Variants in PUS7 observed in about 807,000 individuals in gnomAD.
PUS7 encodes the protein pseudouridylate synthase 7 homolog.
A neutral mutation model predicts 79.8 loss-of-function variants in PUS7; 48 were observed. That is an observed-to-expected ratio of 0.60 (90% CI 0.48 to 0.76). The LOEUF is 0.76. Among genes scored for constraint, PUS7 ranks in the 30% least tolerant of loss-of-function variants. The pLI is 0.00. For synonymous variants in PUS7, 286 were observed against 272.2 expected, an observed-to-expected ratio of 1.05 and a Z score of -0.50; for missense variants, 729 against 797.6, an observed-to-expected ratio of 0.91 and a Z score of 1.04.
At chr7:105,475,193 C>CT (rs67059780) in intron 9 of PUS7, among the ~76,000 whole-genome samples, 9,842 of 150,058 alleles carry the variant, frequency 0.066, 558 homozygotes, top group South Asian at 0.17. Context: ...ATGTTTTGTA[C>CT]TTTTTTTTTT....
chr7:105,465,768 G>A (rs1454948480), intron 12 of PUS7, among the ~76,000 whole-genome samples: 1 of 152,188 alleles, frequency 6.6e-6, no homozygotes, highest in East Asian at 1.9e-4. Flanking sequence ...GGGAGGCGGA[G>A]GTTGCGGTGA....
chr7:105,516,429 A>C (rs555670692), intron 1 of PUS7, among the ~76,000 whole-genome samples: 1 of 151,880 alleles, frequency 6.6e-6, no homozygotes, highest in East Asian at 1.9e-4. Flanking sequence ...AACTACGTGA[A>C]AGGGAAGCTG....
chr7:105,507,260 G>A (rs942262614), intron 2 of PUS7, among the ~76,000 whole-genome samples: 1 of 152,056 alleles, frequency 6.6e-6, no homozygotes, highest in African/African-American at 2.4e-5. Context: ...TGCCCAGGCT[G>A]GTCTCAAACT....
intron 5 of PUS7, chr7:105,495,468 A>C: frequency 7.6e-5 from 27 of 355,940 alleles, no homozygotes; most frequent in East Asian, 2.2e-4. Context: ...AAAAGCTAAA[A>C]TGTGGCTGGG....
At chr7:105,463,203 T>C (rs1190241231) in intron 13 of PUS7, among the ~76,000 whole-genome samples, 1 of 152,224 alleles carries the variant, frequency 6.6e-6, no homozygotes, top group Non-Finnish European at 1.5e-5. Context: ...GAGTCTTTTT[T>C]ATAGCACTCA....
At chr7:105,469,301 AT>A (rs1002305759) in intron 11 of PUS7, among the ~76,000 whole-genome samples, 1 of 128,628 alleles carries the variant, frequency 7.8e-6, no homozygotes, top group African/African-American at 2.9e-5. Flanking sequence ...TTTCTTTTTT[AT>A]TTTTTTGAGA....
At chr7:105,499,522 T>A (rs1157928882) in intron 5 of PUS7, among the ~76,000 whole-genome samples, 1 of 152,196 alleles carries the variant, frequency 6.6e-6, no homozygotes, top group African/African-American at 2.4e-5. Context: ...AATTAATTTA[T>A]CAGTAATGTT....
intron 5 of PUS7, among the ~76,000 whole-genome samples, chr7:105,501,277 A>G (rs1212995175): frequency 3.3e-5 from 5 of 152,200 alleles, no homozygotes; most frequent in Non-Finnish European, 7.3e-5. Context: ...TTTTGCCCCA[A>G]ATATATCTAG....
intron 14 of PUS7, among the ~76,000 whole-genome samples, chr7:105,460,496 G>A (rs944896019): frequency 4.6e-5 from 7 of 152,102 alleles, no homozygotes; most frequent in African/African-American, 1.7e-4. Context: ...CTGGAAATAG[G>A]CAACTAGTTC....
intron 7 of PUS7, among the ~76,000 whole-genome samples, chr7:105,485,253 A>G (rs572552094): frequency 1.3e-5 from 2 of 152,168 alleles, no homozygotes; most frequent in Non-Finnish European, 2.9e-5. Context: ...CTCTTTGCCC[A>G]GGCTGGAGCG....
At chr7:105,497,041 G>A (rs1825065521) in intron 5 of PUS7, 3 of 1,072,744 alleles carry the variant, frequency 2.8e-6, no homozygotes, top group Admixed American at 3.2e-5. Flanking sequence ...GTGCTTTAGA[G>A]GTGAACATGC....
chr7:105,501,316 G>A (rs542930759), intron 5 of PUS7, among the ~76,000 whole-genome samples: 1 of 152,142 alleles, frequency 6.6e-6, no homozygotes, highest in East Asian at 1.9e-4. Context: ...ACAGGCCACC[G>A]CTAGTAGGAG....
intron 7 of PUS7, among the ~76,000 whole-genome samples, chr7:105,484,855 ATTTTT>A (rs1172322541): frequency 8.6e-6 from 1 of 116,858 alleles, no homozygotes; most frequent in African/African-American, 3.2e-5. Context: ...CCAGTCAGAG[ATTTTT>A]TTTTTTTTTT....
intron 14 of PUS7, among the ~76,000 whole-genome samples, chr7:105,461,056 ATGG>A (rs1034759457): frequency 3.3e-5 from 5 of 151,988 alleles, no homozygotes; most frequent in Admixed American, 3.3e-4. Context: ...TTTTGTAGAG[ATGG>A]TCTTGCTATG....
In PUS7 at chr7:105,491,528, C is replaced by G. The variant is rs767265572; in HGVS notation, c.920+12G>C. ...TTTACAGTATAAATCCTGTTACGTG[C>G]TCTCTACTTACTTGAGAACAGCAAT... On this transcript the variant is annotated intron_variant, in intron 7 of 15. Transcript: ENST00000469408. 2.6e-6 allele frequency: 4 copies of G among 1,529,306 alleles called. No individual in the cohort carries two copies. The South Asian group carries it at 4.6e-5, about 18-fold the overall frequency. 94.7% of individuals were successfully genotyped at this position (1,529,306 alleles called of 1,614,324 possible).
At chr7:105,500,221 A>G (rs935326013) in intron 5 of PUS7, among the ~76,000 whole-genome samples, 4 of 152,138 alleles carry the variant, frequency 2.6e-5, no homozygotes, top group Non-Finnish European at 5.9e-5. Context: ...AAGGTGTCCA[A>G]ACGAAAATGG....
chr7:105,515,823 A>ATTTATTTATTTATTTATTTT (rs1331830296), intron 1 of PUS7, among the ~76,000 whole-genome samples: 1 of 145,012 alleles, frequency 6.9e-6, no homozygotes, highest in East Asian at 2.0e-4. Context: ...TTATTTATTT[A>ATTTATTTATTTATTTATTTT]TTTTGAGACA....
At chr7:105,468,223 G>A (rs1026525591) in intron 12 of PUS7, 114 bp downstream of exon 12, 31 of 1,382,574 alleles carry the variant, frequency 2.2e-5, no homozygotes, top group Admixed American at 4.4e-5. Flanking sequence ...GTGTACCACC[G>A]TGCCTCACCA....
chr7:105,505,877 T>C, intron 4 of PUS7, 78 bp downstream of exon 4: 1 of 1,147,720 alleles, frequency 8.7e-7, no homozygotes, highest in South Asian at 1.4e-5. Flanking sequence ...ATTGTAATTT[T>C]TTCCATAAAC....
Sources: allele counts gnomAD v4.1 joint callset (sites outside exome capture counted in the v4.1 genomes callset), GRCh38; gene constraint gnomAD v4.1.1; transcripts MANE v1.5; gene names NCBI Gene and HGNC (gene_info 2026-07-23, HGNC 2026-07-21).